The following NTM variants were observed in gnomAD, a reference collection of about 807,000 sequenced individuals.
NTM encodes IgLON family member 2.
A neutral mutation model predicts 42.1 loss-of-function variants in NTM; 13 were observed. That is an observed-to-expected ratio of 0.31 (90% confidence interval 0.20 to 0.49). The LOEUF (loss-of-function observed/expected upper bound fraction) is 0.49. Among genes scored for constraint, NTM ranks in the 20% least tolerant of loss-of-function variants. The pLI is 0.99. For synonymous variants in NTM, 187 were observed against 179.2 expected, an observed-to-expected ratio of 1.04 and a Z score of -0.35; for missense variants, 373 against 452.8, an observed-to-expected ratio of 0.82 and a Z score of 1.60.
At chr11:132,025,747 A>G (rs1417512900) in intron 2 of NTM, among the ~76,000 whole-genome samples, 1 of 152,140 alleles carries the variant, frequency 6.6e-6, no homozygotes, top group African/African-American at 2.4e-5. Context: ...ATTGCCCTAG[A>G]ATGATTATTG....
intron 2 of NTM, among the ~76,000 whole-genome samples, chr11:132,126,986 C>A (rs771105858): frequency 2.6e-5 from 4 of 152,184 alleles, no homozygotes. Flanking sequence ...GCCTTATTGT[C>A]AGTCTTTTTT....
At chr11:131,789,628 G>GA (rs1241751936) in intron 1 of NTM, among the ~76,000 whole-genome samples, 5 of 85,162 alleles carry the variant, frequency 5.9e-5, no homozygotes, top group African/African-American at 2.7e-4. Context: ...AGAAGAAGAA[G>GA]AAGAAGAAAA....
At chr11:131,998,820 C>T (rs1040806601) in intron 2 of NTM, among the ~76,000 whole-genome samples, 1 of 152,118 alleles carries the variant, frequency 6.6e-6, no homozygotes, top group African/African-American at 2.4e-5. Context: ...ATGCCATTCT[C>T]AGGACCCATC....
intron 1 of NTM, among the ~76,000 whole-genome samples, chr11:131,542,452 G>GT (rs2053402362): frequency 6.6e-6 from 1 of 152,184 alleles, no homozygotes; most frequent in Non-Finnish European, 1.5e-5. Context: ...TAAAACTTCT[G>GT]TAACTAAGCA....
chr11:132,195,628 G>A (rs1205316433), intron 3 of NTM, among the ~76,000 whole-genome samples: 1 of 152,020 alleles, frequency 6.6e-6, no homozygotes, highest in Non-Finnish European at 1.5e-5. Flanking sequence ...AACAGAACAG[G>A]ATAGAGGCCT....
intron 2 of NTM, among the ~76,000 whole-genome samples, chr11:132,134,777 CTATT>C (rs1324403319): frequency 6.8e-5 from 8 of 118,012 alleles, no homozygotes; most frequent in Middle Eastern, 4.8e-3. Context: ...TTTTCTTTAT[CTATT>C]CATTGATTGA....
At chr11:132,326,546 ACT>A (rs1345360076) in intron 7 of NTM, among the ~76,000 whole-genome samples, 1 of 152,102 alleles carries the variant, frequency 6.6e-6, no homozygotes, top group African/African-American at 2.4e-5. Context: ...TGAACTGATG[ACT>A]CTGGTTGGAA....
chr11:131,611,732 G>A (rs1055095309), intron 1 of NTM, among the ~76,000 whole-genome samples: 3 of 152,170 alleles, frequency 2.0e-5, no homozygotes, highest in Non-Finnish European at 4.4e-5. Flanking sequence ...GCTGCAATTC[G>A]GTGGTGGAAC....
In NTM at chr11:132,146,430, G is replaced by A; in HGVS notation, c.316G>A (p.Asp106Asn). The change falls in exon 3 of 9, where the codon GAT becomes AAT. Residue 106 changes from aspartate (D) to asparagine (N), a missense_variant. Asp to Asn is a conservative substitution (Grantham distance 23). This residue lies in a region of NTM where 312 missense variants were observed against 353.5 expected (regional missense o/e 0.88). Transcript: ENST00000683400. The surrounding 1 kb of genome is among the most constrained non-coding windows in gnomAD (Gnocchi z 4.5). ...GTACAGCATCGAGATCCAGAACGTGGATGTGTATGACGAGGGCCCTTACAC... is the reference window on the plus strand; with the variant it reads ...GTACAGCATCGAGATCCAGAACGTGAATGTGTATGACGAGGGCCCTTACAC... ...TQYSIEIQNV[D>N]VYDEGPYTCS... The A allele has an allele frequency of 6.2e-7, 1 of 1,614,230 alleles. No homozygotes were observed. Among genetic ancestry groups the A allele is most frequent in the Non-Finnish European group, 8.5e-7 (1 of 1,180,044 alleles).
intron 1 of NTM, among the ~76,000 whole-genome samples, chr11:131,779,046 C>A (rs1376495522): frequency 1.3e-5 from 2 of 152,194 alleles, no homozygotes; most frequent in African/African-American, 4.8e-5. Context: ...CAAACGGCAC[C>A]ATTGTGGACT....
chr11:131,484,651 C>T (rs1447436517), intron 1 of NTM, among the ~76,000 whole-genome samples: 1 of 152,152 alleles, frequency 6.6e-6, no homozygotes, highest in Non-Finnish European at 1.5e-5. Context: ...AGACACTGCC[C>T]CTTTCCCAGG....
intron 1 of NTM, among the ~76,000 whole-genome samples, chr11:131,788,415 A>G (rs2089622330): frequency 6.6e-6 from 1 of 151,982 alleles, no homozygotes; most frequent in Admixed American, 6.6e-5. Flanking sequence ...ATCTTTATCC[A>G]TTTGGTGGCT....
intron 1 of NTM, among the ~76,000 whole-genome samples, chr11:131,794,286 C>T (rs939062420): frequency 1.3e-5 from 2 of 152,150 alleles, no homozygotes; most frequent in African/African-American, 4.8e-5. Flanking sequence ...AGCCAATCAC[C>T]AGGATAAACG....
intron 1 of NTM, among the ~76,000 whole-genome samples, chr11:131,371,406 G>T (rs1397573228): frequency 1.3e-5 from 2 of 152,158 alleles, no homozygotes; most frequent in Non-Finnish European, 2.9e-5. Flanking sequence ...CAGCTGCAAG[G>T]GATGAGTCAA....
At chr11:131,383,992 C>T (rs923781572) in intron 1 of NTM, among the ~76,000 whole-genome samples, 17 of 151,922 alleles carry the variant, frequency 1.1e-4, no homozygotes, top group South Asian at 2.1e-4. Flanking sequence ...TGGAGATGGA[C>T]GGGGAAGAAG....
At chr11:131,980,739 A>T (rs1175894095) in intron 2 of NTM, among the ~76,000 whole-genome samples, 1 of 152,146 alleles carries the variant, frequency 6.6e-6, no homozygotes, top group Non-Finnish European at 1.5e-5. Flanking sequence ...GGCCCTTAAG[A>T]TGCTCAGTGT....
chr11:131,533,232 G>A (rs191513566), intron 1 of NTM, among the ~76,000 whole-genome samples: 9 of 152,252 alleles, frequency 5.9e-5, no homozygotes, highest in Admixed American at 2.6e-4. Context: ...CTGCAAAATC[G>A]TCTGCAGATG....
intron 1 of NTM, among the ~76,000 whole-genome samples, chr11:131,867,484 TCTAC>T (rs1298030924): frequency 4.0e-4 from 61 of 152,146 alleles, no homozygotes; most frequent in African/African-American, 1.4e-3. Context: ...TGAGTGTGTG[TCTAC>T]CTGTTTATCT....
At chr11:131,901,620 T>A (rs1421641088) in intron 1 of NTM, among the ~76,000 whole-genome samples, 1 of 152,170 alleles carries the variant, frequency 6.6e-6, no homozygotes, top group Non-Finnish European at 1.5e-5. Flanking sequence ...CTACCCTTGA[T>A]TTATATCTTA....
Sources: allele counts gnomAD v4.1 joint callset (sites outside exome capture counted in the v4.1 genomes callset), GRCh38; gene constraint gnomAD v4.1.1; regional missense constraint gnomAD v4.1.1; non-coding constraint Gnocchi (gnomAD v3.1); transcripts MANE v1.5; gene names NCBI Gene and HGNC (gene_info 2026-07-23, HGNC 2026-07-21).